Variants in THTPA observed in about 807,000 individuals in gnomAD.
THTPA encodes the protein thiamine-triphosphatase.
Under a neutral mutation model 16.5 loss-of-function variants are expected in THTPA, and 16 were observed. The ratio of observed to expected loss-of-function variants is 0.97; its 90% confidence interval spans 0.66 to 1.47. The LOEUF is 1.47. Among genes scored for constraint, THTPA ranks in the 40% most tolerant of loss-of-function variants. The pLI is 0.00. For synonymous variants in THTPA, 110 were observed against 115.5 expected, an observed-to-expected ratio of 0.95 and a Z score of 0.30; for missense variants, 281 against 280.9, an observed-to-expected ratio of 1.00 and a Z score of 0.00.
chr14:23,535,936 C>A, the THTPA span, among the ~76,000 whole-genome samples: 7 of 152,150 alleles, frequency 4.6e-5, 1 homozygote, highest in African/African-American at 2.4e-5. The surrounding 1 kb of genome is among the most constrained non-coding windows in gnomAD (Gnocchi z 4.5). Context: ...CCCCATCTTT[C>A]CTATCTCCAA....
At chr14:23,518,493 G>A in the THTPA span, among the ~76,000 whole-genome samples, 3 of 152,208 alleles carry the variant, frequency 2.0e-5, no homozygotes, top group Non-Finnish European at 2.9e-5. This position sits in a 1 kb window ranked among gnomAD's most constrained non-coding sequence, Gnocchi z 4.5. Flanking sequence ...TAAGGCTTCA[G>A]ATTTTCTTAT....
the THTPA span, among the ~76,000 whole-genome samples, chr14:23,517,907 C>T: frequency 6.6e-6 from 1 of 152,208 alleles, no homozygotes; most frequent in African/African-American, 2.4e-5. Context: ...TGTTAATATT[C>T]AACATTTGGT....
chr14:23,535,005 G>A, the THTPA span: 2 of 1,536,112 alleles, frequency 1.3e-6, no homozygotes, highest in Non-Finnish European at 8.7e-7. This position sits in a 1 kb window ranked among gnomAD's most constrained non-coding sequence, Gnocchi z 4.5. Flanking sequence ...TTAGGTCCAT[G>A]GGAGGGAGCC....
chr14:23,525,253 A>C, the THTPA span: 1 of 1,536,050 alleles, frequency 6.5e-7, no homozygotes, highest in Non-Finnish European at 8.7e-7. The surrounding 1 kb of genome is among the most constrained non-coding windows in gnomAD (Gnocchi z 5.9). Flanking sequence ...CTTCAGGGGC[A>C]CGGGTCCCCC....
the THTPA span, chr14:23,524,567 A>G: frequency 1.3e-6 from 2 of 1,533,830 alleles, no homozygotes; most frequent in Non-Finnish European, 1.7e-6. This position sits in a 1 kb window ranked among gnomAD's most constrained non-coding sequence, Gnocchi z 5.6. Flanking sequence ...AGATGGCAGG[A>G]AATGTAGTCG....
chr14:23,529,261 C>G, the THTPA span: 4 of 166,984 alleles, frequency 2.4e-5, no homozygotes, highest in Admixed American at 1.2e-4. Flanking sequence ...GTTGGTGCCC[C>G]TACCCTTAGT....
At chr14:23,525,792 C>T in the THTPA span, 2 of 1,489,948 alleles carry the variant, frequency 1.3e-6, no homozygotes, top group Non-Finnish European at 1.8e-6. The surrounding 1 kb of genome is among the most constrained non-coding windows in gnomAD (Gnocchi z 5.9). Context: ...AGCACAGGTG[C>T]AGGCCCAGCT....
At chr14:23,519,409 G>A in the THTPA span, among the ~76,000 whole-genome samples, 10 of 152,164 alleles carry the variant, frequency 6.6e-5, no homozygotes, top group Non-Finnish European at 4.4e-5. Context: ...GATACATGCT[G>A]CTAAGAAAAT....
At chr14:23,520,975 C>T in the THTPA span, 1 of 151,424 alleles carries the variant, frequency 6.6e-6, no homozygotes, top group African/African-American at 2.4e-5. This position sits in a 1 kb window ranked among gnomAD's most constrained non-coding sequence, Gnocchi z 8.7. Context: ...TACTCTCTCT[C>T]GCTCTTGCTT....
At chr14:23,519,501 A>G in the THTPA span, among the ~76,000 whole-genome samples, 76 of 152,268 alleles carry the variant, frequency 5.0e-4, no homozygotes, top group Middle Eastern at 3.4e-3. Flanking sequence ...AGAAGGTGGC[A>G]GTGAGCACAA....
At chr14:23,524,280 C>T in the THTPA span, 6 of 1,536,192 alleles carry the variant, frequency 3.9e-6, no homozygotes, top group East Asian at 7.3e-5. The surrounding 1 kb of genome is among the most constrained non-coding windows in gnomAD (Gnocchi z 5.6). Context: ...GAGATGCAGT[C>T]GAGCATCTTG....
chr14:23,519,923 G>T, the THTPA span, among the ~76,000 whole-genome samples: 1 of 152,208 alleles, frequency 6.6e-6, no homozygotes, highest in Non-Finnish European at 1.5e-5. Flanking sequence ...CACCTTGAAA[G>T]AGAAGTGGTC....
At chr14:23,524,175 C>G in the THTPA span, 1 of 1,536,114 alleles carries the variant, frequency 6.5e-7, no homozygotes, top group Admixed American at 2.0e-5. The surrounding 1 kb of genome is among the most constrained non-coding windows in gnomAD (Gnocchi z 5.6). Flanking sequence ...CTAGGCACCC[C>G]CCCAGGGGTG....
the THTPA span, chr14:23,538,077 C>G: frequency 6.6e-6 from 1 of 152,326 alleles, no homozygotes; most frequent in Non-Finnish European, 1.5e-5. Flanking sequence ...TACAGTAACT[C>G]CCAGATCCTC....
At chr14:23,535,980 T>G in the THTPA span, among the ~76,000 whole-genome samples, 3 of 152,334 alleles carry the variant, frequency 2.0e-5, no homozygotes, top group Non-Finnish European at 2.9e-5. This position sits in a 1 kb window ranked among gnomAD's most constrained non-coding sequence, Gnocchi z 4.5. Context: ...TGGCTTAGAC[T>G]AAAAACCCAA....
intron 1 of THTPA, 127 bp downstream of exon 1, chr14:23,557,431 T>C: frequency 9.7e-7 from 1 of 1,025,698 alleles, no homozygotes; most frequent in Non-Finnish European, 1.4e-6. Flanking sequence ...AGACAAGGTT[T>C]TGCCGTGTTG....
the THTPA span, among the ~76,000 whole-genome samples, chr14:23,541,299 T>C: frequency 2.0e-5 from 3 of 151,598 alleles, no homozygotes; most frequent in East Asian, 5.8e-4. Flanking sequence ...TTTTTTTTTT[T>C]TTTTTTGAGA....
the THTPA span, chr14:23,532,478 G>T: frequency 1.1e-5 from 15 of 1,380,492 alleles, no homozygotes; most frequent in Admixed American, 3.4e-5. Flanking sequence ...GTCACCCAGG[G>T]TTTTCCTATC....
the THTPA span, chr14:23,543,705 G>A: frequency 6.6e-6 from 1 of 152,246 alleles, no homozygotes; most frequent in South Asian, 2.1e-4. Flanking sequence ...ATAATGGCGG[G>A]TAGTGTTCTT....
Sources: allele counts gnomAD v4.1 joint callset (sites outside exome capture counted in the v4.1 genomes callset), GRCh38; gene constraint gnomAD v4.1.1; non-coding constraint Gnocchi (gnomAD v3.1); transcripts MANE v1.5; gene names NCBI Gene and HGNC (gene_info 2026-07-23, HGNC 2026-07-21).